Variants in WWOX observed in about 807,000 individuals in gnomAD.
The protein encoded by WWOX is WW domain-containing oxidoreductase.
Under a neutral mutation model 46.2 loss-of-function variants are expected in WWOX, and 69 were observed. That is an observed-to-expected ratio of 1.49 (90% confidence interval 1.23 to 1.82). The LOEUF is 1.82. Among genes scored for constraint, WWOX ranks in the 40% most tolerant of loss-of-function variants. The pLI is 0.00. For missense variants in WWOX, 919 were observed against 542.6 expected (o/e 1.69, Z -6.89); for synonymous variants, 359 against 202.6 (o/e 1.77, Z -6.56).
At chr16:78,941,782 A>G (rs1344163899) in intron 8 of WWOX, among the ~76,000 whole-genome samples, 2 of 152,194 alleles carry the variant, frequency 1.3e-5, no homozygotes, top group East Asian at 3.9e-4. Context: ...AGGTATCATA[A>G]TCAAATAAAA....
At chr16:79,200,593 A>C (rs377383698) in intron 8 of WWOX, among the ~76,000 whole-genome samples, 2 of 152,158 alleles carry the variant, frequency 1.3e-5, no homozygotes, top group East Asian at 3.9e-4. Flanking sequence ...GTTGGCACCT[A>C]AGAGACTCTC....
intron 8 of WWOX, among the ~76,000 whole-genome samples, chr16:78,620,951 AG>A (rs1346570835): frequency 2.6e-5 from 4 of 152,188 alleles, no homozygotes; most frequent in Non-Finnish European, 4.4e-5. Flanking sequence ...TGGAGATTAA[AG>A]CATCTCACTG....
chr16:78,947,008 C>A (rs2062898), intron 8 of WWOX, among the ~76,000 whole-genome samples: 9 of 151,440 alleles, frequency 5.9e-5, no homozygotes, highest in Admixed American at 2.0e-4. Context: ...CTTTGTTCCC[C>A]CTCAGTCTTG....
intron 5 of WWOX, among the ~76,000 whole-genome samples, chr16:78,324,882 A>C (rs966536059): frequency 6.6e-6 from 1 of 152,334 alleles, no homozygotes; most frequent in East Asian, 1.9e-4. Flanking sequence ...ACTAAAAATC[A>C]TTGAATTATA....
At chr16:78,300,463 G>A (rs1267629991) in intron 5 of WWOX, among the ~76,000 whole-genome samples, 1 of 151,902 alleles carries the variant, frequency 6.6e-6, no homozygotes, top group Non-Finnish European at 1.5e-5. Flanking sequence ...AGGAGTGAGT[G>A]ATTCCTCCTG....
intron 8 of WWOX, chr16:78,825,751 C>T (rs1428043371): frequency 8.5e-6 from 5 of 586,658 alleles, no homozygotes; most frequent in South Asian, 3.4e-5. Context: ...TGATGATCCC[C>T]AGCGGAGACC....
chr16:78,953,412 C>G (rs1055847893), intron 8 of WWOX, among the ~76,000 whole-genome samples: 1 of 152,092 alleles, frequency 6.6e-6, no homozygotes, highest in Non-Finnish European at 1.5e-5. Flanking sequence ...AAATTCAAAC[C>G]TAGTCAAATT....
At chr16:78,944,117 C>T (rs1026946151) in intron 8 of WWOX, among the ~76,000 whole-genome samples, 16 of 152,082 alleles carry the variant, frequency 1.1e-4, no homozygotes, top group Admixed American at 6.5e-4. Context: ...GGGTTTTTTG[C>T]TGTGGTATTG....
chr16:78,121,459 G>C (rs745784809), intron 4 of WWOX, among the ~76,000 whole-genome samples: 1 of 152,102 alleles, frequency 6.6e-6, no homozygotes, highest in Admixed American at 6.6e-5. Flanking sequence ...TGGACATTGA[G>C]TGTACATGGA....
At chr16:78,657,604 C>T (rs1180659187) in intron 8 of WWOX, among the ~76,000 whole-genome samples, 1 of 152,130 alleles carries the variant, frequency 6.6e-6, no homozygotes, top group African/African-American at 2.4e-5. Context: ...CCTACTGGAC[C>T]TTTGTTTCTT....
intron 7 of WWOX, among the ~76,000 whole-genome samples, chr16:78,431,347 A>G (rs1209896896): frequency 6.6e-6 from 1 of 152,228 alleles, no homozygotes; most frequent in Non-Finnish European, 1.5e-5. Context: ...CACCAAGGTT[A>G]TAACCCCTTT....
At chr16:79,163,828 A>G (rs1187954797) in intron 8 of WWOX, among the ~76,000 whole-genome samples, 1 of 144,462 alleles carries the variant, frequency 6.9e-6, no homozygotes, top group African/African-American at 2.7e-5. Context: ...GAGAGAGAGA[A>G]TAAGGTCAGA....
chr16:78,811,477 C>G (rs1336887354), intron 8 of WWOX, among the ~76,000 whole-genome samples: 3 of 151,420 alleles, frequency 2.0e-5, no homozygotes, highest in African/African-American at 7.3e-5. Flanking sequence ...CTCTCCTGTC[C>G]TTTCTCTCTC....
chr16:78,419,505 G>C (rs1597205961), intron 6 of WWOX, among the ~76,000 whole-genome samples: 1 of 151,610 alleles, frequency 6.6e-6, no homozygotes, highest in African/African-American at 2.4e-5. Context: ...TTGATTTTCA[G>C]CAAGGATGCC....
chr16:78,445,444 G>T (rs1357376073), intron 8 of WWOX, among the ~76,000 whole-genome samples: 1 of 152,164 alleles, frequency 6.6e-6, no homozygotes, highest in African/African-American at 2.4e-5. Flanking sequence ...GCTGTACAAG[G>T]TCCCTGTCCT....
intron 8 of WWOX, among the ~76,000 whole-genome samples, chr16:79,041,201 G>A (rs186973393): frequency 9.9e-5 from 15 of 152,196 alleles, no homozygotes; most frequent in South Asian, 8.3e-4. Context: ...AAATAAAAAC[G>A]AATGCAAAAG....
At chr16:78,557,437 T>C (rs952474820) in intron 8 of WWOX, among the ~76,000 whole-genome samples, 2 of 152,164 alleles carry the variant, frequency 1.3e-5, no homozygotes, top group Non-Finnish European at 2.9e-5. Flanking sequence ...GGCACCATTC[T>C]AGGTGTTGGG....
intron 8 of WWOX, among the ~76,000 whole-genome samples, chr16:78,488,435 G>C (rs2084693912): frequency 6.6e-6 from 1 of 151,970 alleles, no homozygotes; most frequent in Admixed American, 6.6e-5. Context: ...CCTTTTTTAG[G>C]ACCCAAGAGT....
intron 4 of WWOX, among the ~76,000 whole-genome samples, chr16:78,144,982 G>A (rs1295734537): frequency 6.6e-6 from 1 of 152,046 alleles, no homozygotes; most frequent in Non-Finnish European, 1.5e-5. Context: ...TCACAGATGA[G>A]GAAATTGAGG....
Sources: gnomAD v4.1 joint callset for allele counts (sites outside exome capture counted in the v4.1 genomes callset) on GRCh38, gnomAD v4.1.1 for gene constraint, MANE v1.5 for transcripts, NCBI Gene and HGNC (gene_info 2026-07-23, HGNC 2026-07-21) for gene names.